SLC4A4: variants seen among roughly 807,000 people sequenced by gnomAD.
The protein encoded by SLC4A4 is electrogenic sodium bicarbonate cotransporter 1.
A neutral mutation model predicts 111.5 loss-of-function variants in SLC4A4; 27 were observed. That is an observed-to-expected ratio of 0.24 (90% CI 0.18 to 0.33). The LOEUF (loss-of-function observed/expected upper bound fraction) is 0.33, where lower values mean the gene tolerates loss of function less well. Ranked by LOEUF, SLC4A4 falls within the 10% of genes least tolerant of loss-of-function variation. The pLI, the probability that SLC4A4 is intolerant of heterozygous loss-of-function variation, is 1.00. For missense variants in SLC4A4, 909 were observed against 1,315.5 expected, an observed-to-expected ratio of 0.69 and a Z score of 4.78; for synonymous variants, 443 against 463.4, an observed-to-expected ratio of 0.96 and a Z score of 0.57.
rs1213844628 is a variant in SLC4A4 at position 71,569,954 on chromosome 4, A to G, written c.*2203A>G. The G allele has an allele frequency of 6.6e-6, 1 of 151,760 alleles. No homozygotes were observed. The highest frequency in any genetic ancestry group is 2.4e-5 in the African/African-American group (1 of 41,388). The allele number at this position is 151,760 out of a possible 1,614,324, so 9.4% of individuals were successfully genotyped here. A position where few individuals can be genotyped will look rare whatever the true frequency, so the allele number is the denominator to read the frequency against. ...TGGCTTCACATTTGTATTTAGGGCTATCCTTAAAATGATGAGTCTATATTA... is the reference window on the plus strand; with the variant it reads ...TGGCTTCACATTTGTATTTAGGGCTGTCCTTAAAATGATGAGTCTATATTA... On this transcript the variant is annotated 3_prime_UTR_variant, in exon 26 of 26. Transcript: ENST00000264485.
intron 3 of SLC4A4, among the ~76,000 whole-genome samples, chr4:71,296,109 G>GT (rs373989395): frequency 0.015 from 2,129 of 145,550 alleles, 49 homozygotes; most frequent in African/African-American, 0.048. Context: ...TTTTTAACCT[G>GT]TTTTTTTTTT....
chr4:71,151,934 G>A (rs1744323634), intron 2 of SLC4A4, among the ~76,000 whole-genome samples: 1 of 151,674 alleles, frequency 6.6e-6, no homozygotes. Context: ...GTGTGGTGGT[G>A]TACACCTGTA....
intron 1 of SLC4A4, among the ~76,000 whole-genome samples, chr4:71,226,056 TAC>T (rs1382165905): frequency 1.3e-5 from 2 of 152,252 alleles, no homozygotes; most frequent in Admixed American, 1.3e-4. Context: ...CTAAACACAT[TAC>T]AGAGTTTTAT....
At chr4:71,157,035 C>T (rs1175424429) in intron 2 of SLC4A4, among the ~76,000 whole-genome samples, 3 of 152,110 alleles carry the variant, frequency 2.0e-5, no homozygotes, top group Non-Finnish European at 4.4e-5. Flanking sequence ...GTCTAAATAG[C>T]TTAATTATGG....
At chr4:71,374,170 C>G (rs1210071685) in intron 6 of SLC4A4, among the ~76,000 whole-genome samples, 2 of 152,142 alleles carry the variant, frequency 1.3e-5, no homozygotes, top group African/African-American at 4.8e-5. Flanking sequence ...CTCTTTATTG[C>G]CCAGTGAATT....
In SLC4A4 at chr4:71,456,229, C is replaced by G. The variant is rs1339370358; in HGVS notation, c.1497+2560C>G. Among the ~76,000 whole-genome samples, 6 of 152,230 alleles carry G rather than the reference C, an allele frequency of 3.9e-5. No individual in the cohort carries two copies. In the East Asian group the frequency reaches 7.7e-4, roughly 20 times the overall value. On this transcript the variant is annotated intron_variant, in intron 12 of 25. Coordinates refer to ENST00000264485, the MANE Select transcript of SLC4A4 (RefSeq NM_001098484.3). ...AATACTGAAGAACATGTTTTTCACT[C>G]TCTTCCAAAGCTTTTTTCCTTTAAG...
intron 2 of SLC4A4, among the ~76,000 whole-genome samples, chr4:71,122,313 CAAAAAAAA>C (rs10611413): frequency 8.5e-6 from 1 of 117,340 alleles, no homozygotes; most frequent in Admixed American, 8.6e-5. Flanking sequence ...GACTCTGTCT[CAAAAAAAA>C]AAAAAAAAAA....
chr4:71,162,492 T>A (rs926329902), intron 2 of SLC4A4, among the ~76,000 whole-genome samples: 2 of 152,210 alleles, frequency 1.3e-5, no homozygotes, highest in Non-Finnish European at 2.9e-5. Context: ...AGTTCAAGCC[T>A]AAGCAGCAGA....
At chr4:71,486,850 T>G (rs1379236494) in intron 14 of SLC4A4, 98 bp from the exon 15 acceptor site, 1 of 687,616 alleles carries the variant, frequency 1.5e-6, no homozygotes, top group East Asian at 2.9e-5. Context: ...AAAGACATTT[T>G]TACTGTATAA....
intron 3 of SLC4A4, among the ~76,000 whole-genome samples, chr4:71,330,182 CT>C (rs779784581): frequency 2.0e-5 from 3 of 152,060 alleles, no homozygotes; most frequent in African/African-American, 4.8e-5. Context: ...GATGAATGAA[CT>C]TTTTAATGTG....
At chr4:71,183,805 GAACCACCTATTTAAA>G (rs1361151646), upstream of SLC4A4, among the ~76,000 whole-genome samples, 1 of 152,138 alleles carries the variant, frequency 6.6e-6, no homozygotes, top group Non-Finnish European at 1.5e-5. Flanking sequence ...TTTCGCCAAT[GAACCACCTATTTAAA>G]AAGGACTTGA....
At chr4:71,338,627 A>G (rs1266673206) in intron 3 of SLC4A4, among the ~76,000 whole-genome samples, 1 of 140,628 alleles carries the variant, frequency 7.1e-6, no homozygotes, top group East Asian at 2.1e-4. Context: ...TTAATTTTTC[A>G]TTGCATGATT....
intron 1 of SLC4A4, among the ~76,000 whole-genome samples, chr4:71,079,106 A>G (rs2148933622): frequency 6.6e-6 from 1 of 152,292 alleles, no homozygotes; most frequent in Non-Finnish European, 1.5e-5. Flanking sequence ...GGCGTGAACC[A>G]CCACACCCAG....
At chr4:71,103,510 C>T (rs1742821197) in intron 2 of SLC4A4, among the ~76,000 whole-genome samples, 1 of 152,160 alleles carries the variant, frequency 6.6e-6, no homozygotes, top group Admixed American at 6.5e-5. Context: ...AAATTGACCA[C>T]ATACTTGGAA....
chr4:71,126,395 G>A (rs1116951), intron 2 of SLC4A4, among the ~76,000 whole-genome samples: 110,982 of 152,154 alleles, frequency 0.73, 42,640 homozygotes, highest in Admixed American at 0.85. Context: ...TCATAAGAAT[G>A]CTTGTTTCTT....
intron 7 of SLC4A4, among the ~76,000 whole-genome samples, chr4:71,425,994 A>G (rs1374922490): frequency 6.6e-6 from 1 of 152,062 alleles, no homozygotes; most frequent in African/African-American, 2.4e-5. Context: ...CTCACAAGAG[A>G]TAGCTTTGTA....
chr4:71,345,744 A>T (rs1337051116), intron 4 of SLC4A4, among the ~76,000 whole-genome samples: 2 of 152,088 alleles, frequency 1.3e-5, no homozygotes, highest in African/African-American at 4.8e-5. Flanking sequence ...TCTTTTCTCT[A>T]CTGAATTACT....
In SLC4A4 at chr4:71,557,680, G is replaced by A. The variant is rs760259447; in HGVS notation, c.2764-32G>A. On this transcript the variant is annotated intron_variant, in intron 21 of 25. Coordinates refer to ENST00000264485, the MANE Select transcript of SLC4A4 (RefSeq NM_001098484.3). ...CATAGTGGAAATGTAATGCAGTAATGCAGTTGGACTCCTTTCCTCTTTCCT... is the reference window on the plus strand; with the variant it reads ...CATAGTGGAAATGTAATGCAGTAATACAGTTGGACTCCTTTCCTCTTTCCT... The A allele has an allele frequency of 2.9e-5, 47 of 1,603,878 alleles. 1 individual carries two copies. Among genetic ancestry groups the A allele is most frequent in the South Asian group, 2.8e-4 (25 of 90,864 alleles).
intron 24 of SLC4A4, among the ~76,000 whole-genome samples, chr4:71,566,635 A>G (rs977683387): frequency 1.4e-5 from 2 of 147,656 alleles, no homozygotes; most frequent in African/African-American, 5.2e-5. Context: ...AAGTGCCTCA[A>G]AAAAAAAAAT....
Sources: gnomAD v4.1 joint callset for allele counts (sites outside exome capture counted in the v4.1 genomes callset) on GRCh38, gnomAD v4.1.1 for gene constraint, MANE v1.5 for transcripts, NCBI Gene and HGNC (gene_info 2026-07-23, HGNC 2026-07-21) for gene names.